Variants in SRFBP1 observed in about 807,000 individuals in gnomAD.
SRFBP1 encodes serum response factor-binding protein 1.
In SRFBP1, 47 loss-of-function variants were observed where a neutral mutation model predicts 45.5. That is an observed-to-expected ratio of 1.03 (90% CI 0.82 to 1.32). The LOEUF (loss-of-function observed/expected upper bound fraction) is 1.32. Ranked by LOEUF, SRFBP1 falls within the 40% of genes most tolerant of loss-of-function variation. The probability of loss-of-function intolerance (pLI) is 0.00; values close to 1 mark genes in which losing one functional copy is unlikely to be tolerated. For missense variants in SRFBP1, 621 were observed against 484.6 expected, an observed-to-expected ratio of 1.28 and a Z score of -2.64; for synonymous variants, 203 against 166.3, an observed-to-expected ratio of 1.22 and a Z score of -1.70.
rs184363154 is a variant in SRFBP1 at position 121,994,772 on chromosome 5, T to A, written c.270+102T>A. Reference sequence around the variant, plus strand: ...ACTTACCAAGAAGTCATGCTATTAGTTTGTAATTAGTTTTCCTAACTGAAC... The same window carrying A: ...ACTTACCAAGAAGTCATGCTATTAGATTGTAATTAGTTTTCCTAACTGAAC... On this transcript the variant is annotated intron_variant, in intron 4 of 7. Transcript: ENST00000339397. 104 of 728,342 alleles carry A rather than the reference T, an allele frequency of 1.4e-4. 1 individual carries two copies. The African/African-American group carries it at 1.8e-3, about 13-fold the overall frequency. 45.1% of individuals were successfully genotyped at this position (728,342 alleles called of 1,614,324 possible).
intron 2 of SRFBP1, among the ~76,000 whole-genome samples, chr5:122,072,666 A>G (rs1754483778): frequency 6.6e-6 from 1 of 152,226 alleles, no homozygotes; most frequent in Admixed American, 6.5e-5. Flanking sequence ...ACATTGATCT[A>G]ATGAAAAAAA....
intron 2 of SRFBP1, among the ~76,000 whole-genome samples, chr5:122,062,637 A>G (rs1277066406): frequency 1.3e-5 from 2 of 152,006 alleles, no homozygotes; most frequent in African/African-American, 2.4e-5. Flanking sequence ...CAAATCTGCA[A>G]ATTGCCAGCC....
At chr5:122,049,813 T>G (rs1753936599) in intron 2 of SRFBP1, among the ~76,000 whole-genome samples, 1 of 152,158 alleles carries the variant, frequency 6.6e-6, no homozygotes, top group Admixed American at 6.5e-5. Flanking sequence ...AATAAAGATG[T>G]TCTTTGAAAC....
chr5:122,020,261 T>C lies in SRFBP1; in HGVS notation c.526T>C (p.Leu176=). The C allele has an allele frequency of 1.9e-6, 3 of 1,612,674 alleles. No homozygotes were observed. The highest frequency in any genetic ancestry group is 1.3e-5 in the African/African-American group (1 of 74,902). Residue 176 remains leucine, a synonymous_variant, in exon 6 of 8, where the codon TTG becomes CTG. Coordinates refer to ENST00000339397, the MANE Select transcript of SRFBP1 (RefSeq NM_152546.3). ...GCAAAAAGTCAAAGAAACCAAAATA[T>C]TGGCGAAGAAACCAATACATAATTC... ...SEQKVKETKI[L]AKKPIHNSKE... is the part of the protein sequence containing the mutation.
chr5:122,022,243 T>C (rs1753342797), intron 6 of SRFBP1, 127 bp from the exon 7 acceptor site: 1 of 677,604 alleles, frequency 1.5e-6, no homozygotes, highest in Admixed American at 3.3e-5. Context: ...TATTTTATTG[T>C]TTGCTGGTGT....
At chr5:122,069,317 A>C (rs527694964) in intron 2 of SRFBP1, among the ~76,000 whole-genome samples, 1 of 152,196 alleles carries the variant, frequency 6.6e-6, no homozygotes, top group South Asian at 2.1e-4. Context: ...GGAAGGCATA[A>C]CTCAAGTGGC....
intron 2 of SRFBP1, among the ~76,000 whole-genome samples, chr5:122,048,837 G>A (rs1376005168): frequency 6.6e-6 from 1 of 152,156 alleles, no homozygotes; most frequent in Non-Finnish European, 1.5e-5. Flanking sequence ...TTGCGTAGAG[G>A]TGTTTATAGT....
intron 3 of SRFBP1, among the ~76,000 whole-genome samples, chr5:121,983,157 T>C (rs921527601): frequency 6.6e-6 from 1 of 151,702 alleles, no homozygotes; most frequent in Non-Finnish European, 1.5e-5. Context: ...TTTGTTTTTT[T>C]TTCAACTGGA....
At chr5:121,990,459 A>T (rs1013932671) in intron 3 of SRFBP1, among the ~76,000 whole-genome samples, 4 of 152,178 alleles carry the variant, frequency 2.6e-5, no homozygotes, top group Non-Finnish European at 5.9e-5. Context: ...GGGTTAAAAA[A>T]TTCCAATGGG....
rs201840868 is a variant in SRFBP1, at chr5:121,962,007, C to T, written c.-26C>T. 5.4e-5 allele frequency: 87 copies of T among 1,613,172 alleles called. No homozygotes were observed. The highest frequency in any genetic ancestry group is 7.0e-5 in the Non-Finnish European group (83 of 1,179,820). On this transcript the variant is annotated 5_prime_UTR_variant, in exon 1 of 8. Transcript: ENST00000339397. ...GAGAGACCGGTTCACGTGCAGGCAG[C>T]GGCGGATCATATTCCTTCATCTACC...
chr5:122,024,857 ACT>A (rs1753444263), intron 7 of SRFBP1, among the ~76,000 whole-genome samples: 1 of 152,068 alleles, frequency 6.6e-6, no homozygotes, highest in Non-Finnish European at 1.5e-5. Flanking sequence ...TACATATACA[ACT>A]CTATGTAATA....
At chr5:122,030,318 A>G (rs2112720076), downstream of SRFBP1, among the ~76,000 whole-genome samples, 1 of 152,318 alleles carries the variant, frequency 6.6e-6, no homozygotes, top group South Asian at 2.1e-4. Flanking sequence ...TCTTTGTGAA[A>G]CCTTGCCTTA....
chr5:121,986,026 A>G (rs1752511376), intron 3 of SRFBP1, among the ~76,000 whole-genome samples: 2 of 152,098 alleles, frequency 1.3e-5, no homozygotes, highest in South Asian at 2.1e-4. Flanking sequence ...GATATTTAAA[A>G]TAATGAAACT....
At chr5:121,989,669 CAGAA>C (rs1414554304) in intron 3 of SRFBP1, among the ~76,000 whole-genome samples, 1 of 152,170 alleles carries the variant, frequency 6.6e-6, no homozygotes, top group Non-Finnish European at 1.5e-5. Context: ...AACCTTTCCT[CAGAA>C]AGAGCAAGGT....
At chr5:122,077,791 C>T (rs1427834641), downstream of SRFBP1, 1 of 1,549,908 alleles carries the variant, frequency 6.5e-7, no homozygotes, top group Non-Finnish European at 8.7e-7. The surrounding 1 kb of genome is among the most constrained non-coding windows in gnomAD (Gnocchi z 4.9). Context: ...GGCGCTGAGG[C>T]TGGTACTGTG....
chr5:122,066,485 G>A, intron 2 of SRFBP1: 1 of 387,798 alleles, frequency 2.6e-6, no homozygotes, highest in East Asian at 3.7e-5. Flanking sequence ...AGTCAAATAT[G>A]TAATTACAGA....
chr5:122,072,884 C>T (rs2152588877), intron 2 of SRFBP1, among the ~76,000 whole-genome samples: 1 of 152,208 alleles, frequency 6.6e-6, no homozygotes, highest in South Asian at 2.1e-4. Context: ...GTAAATGGGG[C>T]AAATAAACTC....
intron 3 of SRFBP1, among the ~76,000 whole-genome samples, chr5:121,985,014 A>G (rs1056598595): frequency 6.6e-6 from 1 of 151,842 alleles, no homozygotes; most frequent in Admixed American, 6.6e-5. Context: ...TGACCAAAAC[A>G]CTTTATTTTG....
chr5:121,980,926 C>A (rs552613079), intron 3 of SRFBP1, among the ~76,000 whole-genome samples: 1 of 152,222 alleles, frequency 6.6e-6, no homozygotes, highest in South Asian at 2.1e-4. Flanking sequence ...TTCATTCTTT[C>A]AGGGGTAGCT....
Sources: allele counts gnomAD v4.1 joint callset (sites outside exome capture counted in the v4.1 genomes callset), GRCh38; gene constraint gnomAD v4.1.1; non-coding constraint Gnocchi (gnomAD v3.1); transcripts MANE v1.5; gene names NCBI Gene and HGNC (gene_info 2026-07-23, HGNC 2026-07-21).